Variants in ARHGEF10 observed in about 807,000 individuals in gnomAD.
ARHGEF10 encodes Rho guanine nucleotide exchange factor (GEF) 10.
In ARHGEF10, 140 loss-of-function variants were observed where a neutral mutation model predicts 147.4. That is an observed-to-expected ratio of 0.95 (90% CI 0.83 to 1.09). The LOEUF is 1.09. Ranked by LOEUF, ARHGEF10 falls within the 50% of genes least tolerant of loss-of-function variation. The pLI, the probability that ARHGEF10 is intolerant of heterozygous loss-of-function variation, is 0.00. For synonymous variants in ARHGEF10, 902 were observed against 695.8 expected, an observed-to-expected ratio of 1.30 and a Z score of -4.67; for missense variants, 2,222 against 1,752.7, an observed-to-expected ratio of 1.27 and a Z score of -4.78.
chr8:1,838,570 A>ACGCACT (rs1803731333), intron 1 of ARHGEF10, among the ~76,000 whole-genome samples: 1 of 152,258 alleles, frequency 6.6e-6, no homozygotes, highest in Non-Finnish European at 1.5e-5. Context: ...TCAAAGAGCC[A>ACGCACT]CGCACTCTTC....
intron 18 of ARHGEF10, among the ~76,000 whole-genome samples, chr8:1,917,697 A>G (rs1004261397): frequency 1.3e-5 from 2 of 152,214 alleles, no homozygotes; most frequent in African/African-American, 4.8e-5. Flanking sequence ...TGAAAACTCT[A>G]GAAACTGTCA....
intron 1 of ARHGEF10, among the ~76,000 whole-genome samples, chr8:1,839,354 TG>T: frequency 7.1e-6 from 1 of 140,474 alleles, no homozygotes; most frequent in Non-Finnish European, 1.5e-5. Context: ...CTGTCTGGTG[TG>T]GGGACTGTCT....
At chr8:1,855,900 G>T (rs1260515963) in intron 2 of ARHGEF10, among the ~76,000 whole-genome samples, 1 of 151,086 alleles carries the variant, frequency 6.6e-6, no homozygotes, top group African/African-American at 2.4e-5. Context: ...TCCATAAACT[G>T]ACTACTTAAT....
At chr8:1,932,528 G>C (rs559159270) in intron 25 of ARHGEF10, among the ~76,000 whole-genome samples, 1 of 152,342 alleles carries the variant, frequency 6.6e-6, no homozygotes, top group Non-Finnish European at 1.5e-5. Flanking sequence ...GTGTGTGCGT[G>C]CATGTGTGTT....
chr8:1,869,718 T>C (rs1435324130), intron 7 of ARHGEF10: 11 of 246,374 alleles, frequency 4.5e-5, no homozygotes, highest in Non-Finnish European at 6.4e-5. Flanking sequence ...CCTAGGCCGA[T>C]GCAATGGAGG....
intron 5 of ARHGEF10, 61 bp downstream of exon 5, chr8:1,864,497 G>T: frequency 1.3e-6 from 2 of 1,543,900 alleles, no homozygotes; most frequent in Non-Finnish European, 1.8e-6. Flanking sequence ...GGAGCTGGAC[G>T]TGGGGATCCT....
chr8:1,948,286 C>T lies in ARHGEF10; in HGVS notation c.3397+2631C>T, dbSNP rs1814755968. ...CCCCCTGCTCCGGGGGCCCCTGAATCGTGGGTCTTTACTTATTCCTACACG... is the reference window on the plus strand; with the variant it reads ...CCCCCTGCTCCGGGGGCCCCTGAATTGTGGGTCTTTACTTATTCCTACACG... On this transcript the variant is annotated intron_variant, in intron 27 of 28. Coordinates refer to ENST00000349830, the MANE Select transcript of ARHGEF10 (RefSeq NM_014629.4). The surrounding 1 kb of genome is among the most constrained non-coding windows in gnomAD (Gnocchi z 4.9). 6.6e-6 allele frequency among the ~76,000 whole-genome samples: 1 copy of T among 152,082 alleles called. No homozygotes were observed. The highest frequency in any genetic ancestry group is 2.1e-4 in the South Asian group (1 of 4,818).
At chr8:1,836,738 C>G (rs766182045) in intron 1 of ARHGEF10, among the ~76,000 whole-genome samples, 1 of 152,080 alleles carries the variant, frequency 6.6e-6, no homozygotes, top group Non-Finnish European at 1.5e-5. Context: ...GTGTCCCCAC[C>G]CAAATCTCAA....
At chr8:1,876,858 G>T in intron 8 of ARHGEF10, 124 bp downstream of exon 8, 1 of 1,116,118 alleles carries the variant, frequency 9.0e-7, no homozygotes, top group Non-Finnish European at 1.4e-6. Flanking sequence ...TAAGTAGTTT[G>T]GGGAAAGCAT....
chr8:1,894,257 G>A, intron 12 of ARHGEF10, 136 bp from the exon 13 acceptor site: 1 of 814,308 alleles, frequency 1.2e-6, no homozygotes, highest in Non-Finnish European at 2.0e-6. Flanking sequence ...GGCTGAGGTG[G>A]GAGGATGGCT....
intron 28 of ARHGEF10, 28 bp from the exon 29 acceptor site, chr8:1,956,721 A>G (rs779627381): frequency 6.2e-6 from 10 of 1,613,420 alleles, no homozygotes; most frequent in Admixed American, 3.3e-5. Context: ...ATTTTAAAAG[A>G]CAGCTGTTGA....
chr8:1,952,932 A>G (rs1397613781), intron 28 of ARHGEF10, 105 bp downstream of exon 28: 1 of 1,492,148 alleles, frequency 6.7e-7, no homozygotes, highest in Admixed American at 1.7e-5. Flanking sequence ...TAAACAATTC[A>G]TATTATCTGT....
chr8:1,869,629 C>G (rs1238534861), intron 7 of ARHGEF10: 1 of 340,518 alleles, frequency 2.9e-6, no homozygotes, highest in Non-Finnish European at 5.6e-6. Context: ...TAAGAATTCT[C>G]TACAATTAAA....
At chr8:1,860,392 C>CCGT (rs1563191554) in intron 4 of ARHGEF10, among the ~76,000 whole-genome samples, 55 of 118,390 alleles carry the variant, frequency 4.6e-4, no homozygotes, top group African/African-American at 1.4e-3. Context: ...TAACCTTCCC[C>CCGT]CCTCCTCCTC....
intron 26 of ARHGEF10, among the ~76,000 whole-genome samples, chr8:1,938,538 A>T (rs781538007): frequency 7.2e-5 from 11 of 152,256 alleles, no homozygotes; most frequent in Non-Finnish European, 1.5e-4. Context: ...GCGAGATATT[A>T]AAGATGACCT....
intron 7 of ARHGEF10, chr8:1,869,778 A>G: frequency 5.0e-6 from 1 of 201,918 alleles, no homozygotes; most frequent in South Asian, 7.8e-5. Flanking sequence ...ACTGGAGAGA[A>G]AACATGGCTG....
intron 1 of ARHGEF10, among the ~76,000 whole-genome samples, chr8:1,831,457 GCCGTGGAGGGACAGTGTGACAT>G (rs1803098787): frequency 7.1e-6 from 1 of 140,074 alleles, no homozygotes; most frequent in South Asian, 2.3e-4. Context: ...CAGTGTGACG[GCCGTGGAGGGACAGTGTGACAT>G]CCGTGGAGGG....
In ARHGEF10 at chr8:1,952,779, C is replaced by T; in HGVS notation, c.3472C>T (p.Leu1158Phe). 1 of 1,613,668 alleles carries T rather than the reference C, an allele frequency of 6.2e-7. No individual in the cohort carries two copies. The highest frequency in any genetic ancestry group is 8.5e-7 in the Non-Finnish European group (1 of 1,180,050). ...GATGGTCGGCACCAGCCTGGGAGTC[C>T]TCGTGGCCCTGCCGGTCCCACGTCT... ...LLMVGTSLGV[L>F]VALPVPRLQG... The change falls in exon 28 of 29, where the codon CTC (leucine) becomes TTC (phenylalanine). Residue 1158 changes from leucine (L) to phenylalanine (F), a missense_variant. Transcript: ENST00000349830.
chr8:1,924,191 G>A (rs1254819483), intron 21 of ARHGEF10, among the ~76,000 whole-genome samples: 1 of 150,170 alleles, frequency 6.7e-6, no homozygotes, highest in African/African-American at 2.4e-5. Flanking sequence ...GCTCAAGGCG[G>A]GCGGCGGGCG....
Sources: allele counts gnomAD v4.1 joint callset (sites outside exome capture counted in the v4.1 genomes callset), GRCh38; gene constraint gnomAD v4.1.1; non-coding constraint Gnocchi (gnomAD v3.1); transcripts MANE v1.5; gene names NCBI Gene and HGNC (gene_info 2026-07-23, HGNC 2026-07-21).